Variants in FMN1 observed in about 807,000 individuals in gnomAD.
The protein encoded by FMN1 is formin 1.
FMN1 carries 110 observed loss-of-function variants against 132.4 expected under a neutral mutation model. That is an observed-to-expected ratio of 0.83 (90% CI 0.71 to 0.97). FMN1 has a LOEUF of 0.97. Ranked by LOEUF, FMN1 falls within the 50% of genes least tolerant of loss-of-function variation. The pLI is 0.00. For missense variants in FMN1, 1,792 were observed against 1,705.3 expected, an observed-to-expected ratio of 1.05 and a Z score of -0.90; for synonymous variants, 722 against 651.7, an observed-to-expected ratio of 1.11 and a Z score of -1.64.
At chr15:33,067,517 G>A (rs1566885654) in intron 5 of FMN1, 1 of 1,613,964 alleles carries the variant, frequency 6.2e-7, no homozygotes, top group Non-Finnish European at 8.5e-7. Context: ...AGTAGACAGT[G>A]GAAGCAGCTC....
intron 6 of FMN1, among the ~76,000 whole-genome samples, chr15:33,056,589 AC>A (rs2037226948): frequency 6.6e-6 from 1 of 152,242 alleles, no homozygotes; most frequent in Admixed American, 6.5e-5. Context: ...CATTTGGGTT[AC>A]AGTTCACTAT....
chr15:33,083,192 T>G (rs2038553971), intron 5 of FMN1, among the ~76,000 whole-genome samples: 1 of 152,220 alleles, frequency 6.6e-6, no homozygotes, highest in Non-Finnish European at 1.5e-5. Flanking sequence ...CGTAACTTCT[T>G]AAGTGATAAG....
chr15:32,895,175 A>G (rs2060123814), intron 15 of FMN1, among the ~76,000 whole-genome samples: 1 of 152,188 alleles, frequency 6.6e-6, no homozygotes, highest in African/African-American at 2.4e-5. Flanking sequence ...CTGTTGATAC[A>G]GAAAGGTTGA....
intron 7 of FMN1, among the ~76,000 whole-genome samples, chr15:32,973,334 G>C (rs1004876627): frequency 6.6e-6 from 1 of 151,908 alleles, no homozygotes; most frequent in African/African-American, 2.4e-5. Flanking sequence ...CATGCATCTG[G>C]GTCTTTGCAA....
chr15:32,795,153 T>C (rs1239020861), intron 19 of FMN1, among the ~76,000 whole-genome samples: 3 of 152,208 alleles, frequency 2.0e-5, no homozygotes, highest in African/African-American at 7.2e-5. Context: ...TAAGCTATGA[T>C]TGCGTCATGG....
chr15:32,942,536 G>C (rs993276553), intron 9 of FMN1, among the ~76,000 whole-genome samples: 9 of 152,156 alleles, frequency 5.9e-5, no homozygotes, highest in Non-Finnish European at 1.2e-4. Context: ...AAGTGAGTTT[G>C]GCATAGCTAC....
At chr15:32,893,609 G>A (rs2060084944) in intron 15 of FMN1, among the ~76,000 whole-genome samples, 1 of 152,234 alleles carries the variant, frequency 6.6e-6, no homozygotes, top group African/African-American at 2.4e-5. Flanking sequence ...AACCAAAAAA[G>A]TCATCACTTA....
chr15:33,093,269 C>T (rs914104567), intron 4 of FMN1, among the ~76,000 whole-genome samples: 2 of 152,182 alleles, frequency 1.3e-5, no homozygotes, highest in South Asian at 2.1e-4. Context: ...CAAGGCACTA[C>T]ATAAAATAAA....
chr15:32,804,245 CAAAG>C, intron 18 of FMN1, 32 bp downstream of exon 18: 2 of 1,487,694 alleles, frequency 1.3e-6, no homozygotes, highest in Non-Finnish European at 1.8e-6. Context: ...AATGGCTAGT[CAAAG>C]AAAGAACTGG....
chr15:33,118,764 A>C (rs1962271980), intron 4 of FMN1, among the ~76,000 whole-genome samples: 1 of 152,164 alleles, frequency 6.6e-6, no homozygotes, highest in Non-Finnish European at 1.5e-5. Flanking sequence ...GTATTTCTTG[A>C]TATTGATACA....
chr15:32,994,811 T>C (rs1256298349), intron 7 of FMN1, among the ~76,000 whole-genome samples: 1 of 152,238 alleles, frequency 6.6e-6, no homozygotes, highest in Non-Finnish European at 1.5e-5. Context: ...TGTACCTATT[T>C]ACAGCCATAA....
intron 4 of FMN1, among the ~76,000 whole-genome samples, chr15:33,126,355 G>C (rs930815661): frequency 2.0e-5 from 3 of 152,200 alleles, no homozygotes; most frequent in Non-Finnish European, 4.4e-5. Flanking sequence ...ACTGTGGGCA[G>C]GCAGTCCAGC....
intron 5 of FMN1, among the ~76,000 whole-genome samples, chr15:33,080,903 T>A (rs539970148): frequency 1.2e-4 from 18 of 148,940 alleles, no homozygotes; most frequent in African/African-American, 4.6e-4. Context: ...AAAAAAAAAA[T>A]TCCAGAGACT....
At chr15:33,118,295 G>GT (rs2040005862) in intron 4 of FMN1, among the ~76,000 whole-genome samples, 1 of 152,046 alleles carries the variant, frequency 6.6e-6, no homozygotes, top group Admixed American at 6.6e-5. Flanking sequence ...TTTCCTTATA[G>GT]TTTAACATCC....
chr15:33,010,314 T>C (rs2034645066), intron 6 of FMN1, among the ~76,000 whole-genome samples: 1 of 151,964 alleles, frequency 6.6e-6, no homozygotes, highest in South Asian at 2.1e-4. Flanking sequence ...AGATGGGGGT[T>C]TGGGGAGGGG....
intron 4 of FMN1, among the ~76,000 whole-genome samples, chr15:33,145,176 G>A (rs371040168): frequency 6.6e-6 from 1 of 151,758 alleles, no homozygotes; most frequent in African/African-American, 2.4e-5. Flanking sequence ...CTCTTGCTTC[G>A]GCTGCACAAG....
chr15:33,088,427 G>C (rs1032765032), intron 5 of FMN1, among the ~76,000 whole-genome samples: 2 of 152,184 alleles, frequency 1.3e-5, no homozygotes, highest in African/African-American at 2.4e-5. Context: ...TGAGAATCCA[G>C]AGCATATCAG....
chr15:32,875,904 T>C (rs906773009), intron 16 of FMN1, among the ~76,000 whole-genome samples: 2 of 152,220 alleles, frequency 1.3e-5, no homozygotes, highest in East Asian at 1.9e-4. Flanking sequence ...GTCAAGGACC[T>C]GAGTTCTGTG....
intron 4 of FMN1, among the ~76,000 whole-genome samples, chr15:33,117,420 A>G (rs769912317): frequency 6.6e-6 from 1 of 152,210 alleles, no homozygotes; most frequent in Non-Finnish European, 1.5e-5. Flanking sequence ...GGGCTGAGAG[A>G]TTGACAAGGT....
Sources: allele counts gnomAD v4.1 joint callset (sites outside exome capture counted in the v4.1 genomes callset), GRCh38; gene constraint gnomAD v4.1.1; transcripts MANE v1.5; gene names NCBI Gene and HGNC (gene_info 2026-07-23, HGNC 2026-07-21).